The following TMEM259 variants were observed in gnomAD, a reference collection of about 807,000 sequenced individuals.
The protein encoded by TMEM259 is transmembrane protein 259.
TMEM259 carries 26 observed loss-of-function variants against 46.7 expected under a neutral mutation model. The observed-to-expected ratio is 0.56, with a 90% CI of 0.41 to 0.77. The LOEUF (loss-of-function observed/expected upper bound fraction) is 0.77, where lower values mean the gene tolerates loss of function less well. Ranked by LOEUF, TMEM259 falls within the 30% of genes least tolerant of loss-of-function variation. The probability of loss-of-function intolerance (pLI) is 0.00; values close to 1 mark genes in which losing one functional copy is unlikely to be tolerated. For missense variants in TMEM259, 930 were observed against 900.5 expected (o/e 1.03, Z -0.42); for synonymous variants, 494 against 395.1 (o/e 1.25, Z -2.97).
intron 3 of TMEM259, 114 bp downstream of exon 3, chr19:1,013,127 G>T: frequency 1.0e-6 from 1 of 958,742 alleles, no homozygotes; most frequent in Non-Finnish European, 1.6e-6. Context: ...GCCCTCAACG[G>T]TCCAGGACAT....
At chr19:1,014,908 C>T (rs991927883) in intron 1 of TMEM259, among the ~76,000 whole-genome samples, 3 of 152,178 alleles carry the variant, frequency 2.0e-5, no homozygotes, top group Non-Finnish European at 4.4e-5. Flanking sequence ...CACACCAGGG[C>T]CCTCTGCCAG....
Position 1,014,236 on chromosome 19 carries a change from C to T in TMEM259, c.463G>A (p.Glu155Lys), listed in dbSNP as rs761685799. The change falls in exon 2 of 11, where the codon GAG (glutamate) becomes AAG (lysine). Residue 155 changes from glutamate (E) to lysine (K), a missense_variant. Physicochemically the swap from Glu to Lys is moderately conservative, Grantham distance 56 (BLOSUM62 1). Transcript: ENST00000356663. ...GSNLDMEDEE[E>K]EELTMEMFGN... ...AACATCTCCATGGTCAGCTCTTCCT[C>T]CTCCTCATCTTCCATGTCCAGGTTG... The T allele has an allele frequency of 7.4e-6, 12 of 1,612,580 alleles. No homozygotes were observed. The highest frequency in any genetic ancestry group is 4.5e-5 in the East Asian group (2 of 44,826).
chr19:1,014,152 G>A (rs762805519), intron 2 of TMEM259, 40 bp downstream of exon 2: 2 of 1,585,184 alleles, frequency 1.3e-6, no homozygotes, highest in Non-Finnish European at 8.6e-7. Flanking sequence ...CATCTACGGG[G>A]CGCTGGCCTC....
intron 3 of TMEM259, 22 bp from the exon 4 acceptor site, chr19:1,012,595 C>T: frequency 6.4e-7 from 1 of 1,554,796 alleles, no homozygotes; most frequent in Non-Finnish European, 8.7e-7. Context: ...AACCAGGGAC[C>T]AGGTCAGCGC....
chr19:1,013,859 C>T (rs1343551550), intron 2 of TMEM259, among the ~76,000 whole-genome samples: 2 of 152,226 alleles, frequency 1.3e-5, no homozygotes, highest in African/African-American at 2.4e-5. Flanking sequence ...AGCCCCCAGG[C>T]CTCCTCAGCT....
intron 7 of TMEM259, 32 bp from the exon 8 acceptor site, chr19:1,011,695 G>A (rs2145568533): frequency 3.9e-6 from 6 of 1,529,744 alleles, no homozygotes; most frequent in Non-Finnish European, 5.3e-6. Context: ...CGCCCGGTGA[G>A]GGCCTGGAGG....
chr19:1,016,219 A>G (rs1221507670), intron 1 of TMEM259, among the ~76,000 whole-genome samples: 2 of 151,700 alleles, frequency 1.3e-5, no homozygotes, highest in Non-Finnish European at 2.9e-5. Context: ...GGGAGGGGGC[A>G]GGGCCCTCTG....
At chr19:1,012,639 C>T (rs1347164674) in intron 3 of TMEM259, 66 bp from the exon 4 acceptor site, 6 of 1,525,678 alleles carry the variant, frequency 3.9e-6, no homozygotes, top group African/African-American at 1.4e-5. Flanking sequence ...TGCCAGCAGG[C>T]AAGGCAGGCG....
At chr19:1,018,233 A>T (rs1265307108) in intron 1 of TMEM259, among the ~76,000 whole-genome samples, 1 of 152,084 alleles carries the variant, frequency 6.6e-6, no homozygotes, top group Non-Finnish European at 1.5e-5. Context: ...CTGAGGCTGG[A>T]TGGAGGTCTC....
chr19:1,017,171 T>C lies in TMEM259; in HGVS notation c.226-2698A>G, dbSNP rs2039137835. Reference sequence around the variant, plus strand: ...GTCCCGGGTCCTCCTCCCCAAGACCTGTCTGTCATCAGCCACCCTGCAGCA... The same window carrying C: ...GTCCCGGGTCCTCCTCCCCAAGACCCGTCTGTCATCAGCCACCCTGCAGCA... On this transcript the variant is annotated intron_variant, in intron 1 of 10. Coordinates refer to ENST00000356663, the MANE Select transcript of TMEM259 (RefSeq NM_001033026.2). 4 of 399,074 alleles carry C rather than the reference T, an allele frequency of 1.0e-5. No homozygotes were observed. In the Admixed American group the frequency reaches 1.8e-4, roughly 18 times the overall value. 24.7% of individuals were successfully genotyped at this position (399,074 alleles called of 1,614,324 possible).
chr19:1,015,458 C>T (rs2039077295), intron 1 of TMEM259, among the ~76,000 whole-genome samples: 1 of 152,144 alleles, frequency 6.6e-6, no homozygotes, highest in African/African-American at 2.4e-5. Flanking sequence ...TGGGGCCCCT[C>T]TAGGGGCAGT....
rs149062034 is a variant in TMEM259 at position 1,013,647 on chromosome 19, G to C, written c.508-307C>G. 2,386 of 330,300 alleles carry C rather than the reference G, an allele frequency of 7.2e-3. 12 individuals carry two copies. Among genetic ancestry groups the C allele is most frequent in the Middle Eastern group, 0.018 (20 of 1,128 alleles). The allele number at this position is 330,300 out of a possible 1,614,324, so 20.5% of individuals were successfully genotyped here. ...CTCTGCCCAAACACTCAAACTCTTG[G>C]GGTTGGCTCTGTGGGAACAGGTGGG... On this transcript the variant is annotated intron_variant, in intron 2 of 10. Transcript: ENST00000356663.
rs1599471846 is a variant in TMEM259, at chr19:1,011,434, C to G, written c.1150G>C (p.Val384Leu). Residue 384 changes from valine to leucine, a missense_variant, in exon 9 of 11, where the codon GTG (valine) becomes CTG (leucine). Physicochemically the swap from Val to Leu is conservative, Grantham distance 32. Coordinates refer to ENST00000356663, the MANE Select transcript of TMEM259 (RefSeq NM_001033026.2). ...GCGTCATACTGGTCCGCGAGCCACA[C>G]GATGAGGATGATGTAGAAGGCGGTG... is the stretch of plus-strand genomic sequence containing the variant. Reference protein sequence around the residue: ...TTTAFYIILIVWLADQYDAIC... With the variant: ...TTTAFYIILILWLADQYDAIC... 2 of 1,570,300 alleles carry G rather than the reference C, an allele frequency of 1.3e-6. No individual in the cohort carries two copies. The highest frequency in any genetic ancestry group is 1.7e-6 in the Non-Finnish European group (2 of 1,158,478).
chr19:1,015,071 T>C (rs1018419969), intron 1 of TMEM259, among the ~76,000 whole-genome samples: 19 of 152,322 alleles, frequency 1.2e-4, no homozygotes, highest in Middle Eastern at 3.4e-3. Context: ...AGCACTCCCC[T>C]GATCTCACCA....
rs1448966642 is a variant in TMEM259 at position 1,010,079 on chromosome 19, C to G, written c.*271G>C. On this transcript the variant is annotated 3_prime_UTR_variant, in exon 11 of 11. Transcript: ENST00000356663. ...ATCCTCAGGACGGTTCACTGCAGAC[C>G]TACCAAGACCCCTCCAGAACCTTCC... is the stretch of plus-strand genomic sequence containing the variant. 2.2e-6 allele frequency: 1 copy of G among 456,820 alleles called. No individual in the cohort carries two copies. The highest frequency in any genetic ancestry group is 3.8e-6 in the Non-Finnish European group (1 of 260,064). 28.3% of individuals were successfully genotyped at this position (456,820 alleles called of 1,614,324 possible).
chr19:1,012,389 C>G, intron 4 of TMEM259, 74 bp downstream of exon 4: 1 of 1,523,188 alleles, frequency 6.6e-7, no homozygotes, highest in Non-Finnish European at 8.8e-7. Context: ...CCGTCCCGCA[C>G]CAGCAGGAGG....
chr19:1,011,660 T>C lies in TMEM259; in HGVS notation c.1004A>G (p.Asp335Gly). 4 of 1,545,470 alleles carry C rather than the reference T, an allele frequency of 2.6e-6. No homozygotes were observed. Among genetic ancestry groups the C allele is most frequent in the Non-Finnish European group, 3.5e-6 (4 of 1,144,224 alleles). The change falls in exon 8 of 11, where the codon GAC becomes GGC. Residue 335 changes from aspartate to glycine, a missense_variant. By Grantham distance (94) the Asp-to-Gly change is moderately conservative. Transcript: ENST00000356663. The part of the protein sequence containing the change: ...SHHQIFVFIV[D>G]LLQMLEMNMA... Reference sequence around the variant, plus strand: ...GTTCATCTCCAGCATCTGCAGCAGGTCCACTGCGGGCACAGGGCGGCGGGC... The same window carrying C: ...GTTCATCTCCAGCATCTGCAGCAGGCCCACTGCGGGCACAGGGCGGCGGGC...
chr19:1,020,778 C>T lies in TMEM259; in HGVS notation c.219G>A (p.Leu73=). 3 of 1,338,298 alleles carry T rather than the reference C, an allele frequency of 2.2e-6. No individual in the cohort carries two copies. Among genetic ancestry groups the T allele is most frequent in the Non-Finnish European group, 1.9e-6 (2 of 1,039,702 alleles). The allele number at this position is 1,338,298 out of a possible 1,614,324, so 82.9% of individuals were successfully genotyped here. A position where few individuals can be genotyped will look rare whatever the true frequency, so the allele number is the denominator to read the frequency against. The change falls in exon 1 of 11, where the codon CTG becomes CTA. Residue 73 remains leucine (L), a synonymous_variant. Coordinates refer to ENST00000356663, the MANE Select transcript of TMEM259 (RefSeq NM_001033026.2). The surrounding 1 kb of genome is among the most constrained non-coding windows in gnomAD (Gnocchi z 4.0). ...GGGTCGGGGCCGCGGTCACCTTGAGCAGCACGAAGAACTCGAAGAGACGGC... is the reference window on the plus strand; with the variant it reads ...GGGTCGGGGCCGCGGTCACCTTGAGTAGCACGAAGAACTCGAAGAGACGGC... ...AFRRLFEFFV[L]LKALFVLFVL...
rs765602985 is a variant in TMEM259, at chr19:1,010,387, A to C, written c.1826T>G (p.Met609Arg). The part of the protein sequence containing the change: ...AAVGGPSPAS[M>R]APTEAPSEVG... ...CTCCGAGGGCGCCTCCGTTGGGGCC[A>C]TGGAGGCCGGGCTAGGCCCGCCTAC... Residue 609 changes from methionine (M) to arginine (R), a missense_variant, in exon 11 of 11, where the codon ATG (methionine) becomes AGG (arginine). Physicochemically the swap from Met to Arg is moderately conservative, Grantham distance 91 (BLOSUM62 -1). Coordinates refer to ENST00000356663, the MANE Select transcript of TMEM259 (RefSeq NM_001033026.2). 4.6e-6 allele frequency: 7 copies of C among 1,509,616 alleles called. No individual in the cohort carries two copies. In the South Asian group the frequency reaches 9.1e-5, roughly 20 times the overall value. 93.5% of individuals were successfully genotyped at this position (1,509,616 alleles called of 1,614,324 possible). A position where few individuals can be genotyped will look rare whatever the true frequency, so the allele number is the denominator to read the frequency against.
Sources: gnomAD v4.1 joint callset for allele counts (sites outside exome capture counted in the v4.1 genomes callset) on GRCh38, gnomAD v4.1.1 for gene constraint, Gnocchi (gnomAD v3.1) non-coding constraint, MANE v1.5 for transcripts, NCBI Gene and HGNC (gene_info 2026-07-23, HGNC 2026-07-21) for gene names.